HTT: variants seen among roughly 807,000 people sequenced by gnomAD.
The protein encoded by HTT is huntington disease protein.
A neutral mutation model predicts 362.3 loss-of-function variants in HTT; 104 were observed. The ratio of observed to expected loss-of-function variants is 0.29; its 90% CI spans 0.24 to 0.34. The LOEUF (loss-of-function observed/expected upper bound fraction) is 0.34. Ranked by LOEUF, HTT falls within the 10% of genes least tolerant of loss-of-function variation. The pLI, the probability that HTT is intolerant of heterozygous loss-of-function variation, is 1.00. For missense variants in HTT, 3,301 were observed against 3,928.6 expected, an observed-to-expected ratio of 0.84 and a Z score of 4.27; for synonymous variants, 1,577 against 1,548.7, an observed-to-expected ratio of 1.02 and a Z score of -0.43.
rs375185880 is a variant in HTT, at chr4:3,083,887, A to G, written c.264-3052A>G. On this transcript the variant is annotated intron_variant, in intron 1 of 66. Coordinates refer to ENST00000355072, the MANE Select transcript of HTT (RefSeq NM_001388492.1). ...AATATCTAAGAACTGGAATCAGCTCAGATGTCCTTCAACAGGTGAATGGTT... is the reference window on the plus strand; with the variant it reads ...AATATCTAAGAACTGGAATCAGCTCGGATGTCCTTCAACAGGTGAATGGTT... Among the ~76,000 whole-genome samples, 9 of 152,328 alleles carry G rather than the reference A, an allele frequency of 5.9e-5. No individual in the cohort carries two copies. In the East Asian group the frequency reaches 7.7e-4, roughly 13 times the overall value.
At chr4:3,101,570 T>G (rs1182268477) in intron 3 of HTT, among the ~76,000 whole-genome samples, 1 of 152,196 alleles carries the variant, frequency 6.6e-6, no homozygotes, top group Non-Finnish European at 1.5e-5. Flanking sequence ...CACGTAGCCT[T>G]CAGGTCCTAG....
chr4:3,123,039 C>T, intron 10 of HTT, 103 bp downstream of exon 10: 1 of 773,566 alleles, frequency 1.3e-6, no homozygotes, highest in Admixed American at 2.4e-5. Flanking sequence ...GTATTGGACT[C>T]TGTGTATATC....
At chr4:3,121,642 C>T (rs1050443610) in intron 9 of HTT, 9 of 384,236 alleles carry the variant, frequency 2.3e-5, no homozygotes, top group Admixed American at 1.3e-4. Flanking sequence ...TTGGAAGGAT[C>T]GCTTCAGCCC....
intron 47 of HTT, among the ~76,000 whole-genome samples, chr4:3,211,254 A>G (rs949928890): frequency 1.3e-5 from 2 of 152,312 alleles, no homozygotes; most frequent in Non-Finnish European, 2.9e-5. Context: ...TTACTGAGTG[A>G]TAAATTTGCT....
intron 29 of HTT, among the ~76,000 whole-genome samples, chr4:3,167,231 C>G (rs1717761748): frequency 6.6e-6 from 1 of 152,164 alleles, no homozygotes; most frequent in African/African-American, 2.4e-5. Flanking sequence ...GCCACCATGC[C>G]TGGCTAATTT....
In HTT at chr4:3,173,054, C is replaced by T; in HGVS notation, c.4089C>T (p.Tyr1363=). The change falls in exon 31 of 67, where the codon TAC becomes TAT. Residue 1363 remains tyrosine, a synonymous_variant. Transcript: ENST00000355072. ...ACCACTACTGCTTCATGGCCCCGTA[C>T]ACCCACTTCACCCAGGCCCTCGCTG... The part of the protein sequence containing the change: ...GLYHYCFMAP[Y]THFTQALADA... 6.2e-7 allele frequency: 1 copy of T among 1,614,166 alleles called. No homozygotes were observed. The highest frequency in any genetic ancestry group is 8.5e-7 in the Non-Finnish European group (1 of 1,180,036).
rs1426949774 is a variant in HTT at position 3,180,549 on chromosome 4, C to G, written c.4647C>G (p.Leu1549=). 1.2e-6 allele frequency: 2 copies of G among 1,612,700 alleles called. No individual in the cohort carries two copies. Among genetic ancestry groups the G allele is most frequent in the South Asian group, 1.1e-5 (1 of 90,804 alleles). Residue 1549 remains leucine, a synonymous_variant, in exon 36 of 67, where the codon CTC becomes CTG. Transcript: ENST00000355072. ...CTCTGCAGCCCATAGTCCACGACCT[C>G]TTTGTATTAAGAGGAACAAATAAAG... ...IPALQPIVHD[L]FVLRGTNKAD... is the part of the protein sequence containing the mutation.
At chr4:3,184,906 G>A (rs1489576874) in intron 37 of HTT, among the ~76,000 whole-genome samples, 1 of 152,150 alleles carries the variant, frequency 6.6e-6, no homozygotes, top group African/African-American at 2.4e-5. Flanking sequence ...GGGGCAGGGG[G>A]AGTAGGCAGG....
rs759349849 is a variant in HTT, at chr4:3,172,953, G to T, written c.3988G>T (p.Gly1330Cys). The T allele has an allele frequency of 5.0e-6, 8 of 1,614,164 alleles. No individual in the cohort carries two copies. In the East Asian group the frequency reaches 1.8e-4, roughly 36 times the overall value. Residue 1330 changes from glycine to cysteine, a missense_variant, in exon 31 of 67, where the codon GGC (glycine) becomes TGC (cysteine). Around this residue, in one of 4 missense-constraint regions of HTT, gnomAD observed 2,316 missense variants for 2,658.5 expected, o/e 0.87. Transcript: ENST00000355072. ...FGTNLASQFD[G>C]LSSNPSKSQG... The stretch of plus-strand genomic sequence containing the variant: ...CACAAACTTGGCCTCCCAGTTTGAT[G>T]GCTTATCTTCCAACCCCAGCAAGTC...
intron 28 of HTT, among the ~76,000 whole-genome samples, chr4:3,157,527 C>T (rs1363343465): frequency 6.6e-6 from 1 of 152,148 alleles, no homozygotes; most frequent in African/African-American, 2.4e-5. Context: ...GAGGCTCACA[C>T]AAAAATACAG....
At chr4:3,215,051 A>AT (rs1720332081) in intron 50 of HTT, 59 bp from the exon 51 acceptor site, 1 of 1,361,348 alleles carries the variant, frequency 7.3e-7, no homozygotes, top group South Asian at 1.2e-5. Context: ...AAAATGTTGA[A>AT]TAAAAAGCAC....
intron 52 of HTT, among the ~76,000 whole-genome samples, chr4:3,219,088 G>A (rs1720557275): frequency 6.6e-6 from 1 of 152,242 alleles, no homozygotes; most frequent in Non-Finnish European, 1.5e-5. Context: ...AGAGGCCAGT[G>A]CCTGGCGGTG....
Position 3,173,072 on chromosome 4 carries a change from C to G in HTT, c.4107C>G (p.Ala1369=), listed in dbSNP as rs752180387. Residue 1369 remains alanine, a synonymous_variant, in exon 31 of 67, where the codon GCC becomes GCG. Transcript: ENST00000355072. ...FMAPYTHFTQ[A]LADASLRNMV... ...CCCCGTACACCCACTTCACCCAGGC[C>G]CTCGCTGACGCCAGCCTGAGGAACA... 9.9e-6 allele frequency: 16 copies of G among 1,614,156 alleles called. No individual in the cohort carries two copies. Among genetic ancestry groups the G allele is most frequent in the Non-Finnish European group, 1.4e-5 (16 of 1,180,044 alleles).
intron 41 of HTT, among the ~76,000 whole-genome samples, chr4:3,202,617 A>G (rs982221802): frequency 2.6e-5 from 4 of 152,138 alleles, no homozygotes; most frequent in African/African-American, 9.7e-5. Flanking sequence ...CTGTCACTTC[A>G]AACAGTTCCC....
intron 29 of HTT, among the ~76,000 whole-genome samples, chr4:3,165,189 G>A (rs1010637139): frequency 6.6e-6 from 1 of 152,170 alleles, no homozygotes; most frequent in Non-Finnish European, 1.5e-5. Context: ...AGCTTAGTTT[G>A]GCTGGATATG....
At position 3,150,895 on chromosome 4, in the gene HTT, C is replaced by T. The variant is rs553636680; in HGVS notation, c.3498+2688C>T. On this transcript the variant is annotated intron_variant, in intron 26 of 66. Transcript: ENST00000355072. ...ACTAAAAATACAAAAAAAAATTAGC[C>T]GGGTGTGGTGGCGGGCGCCCATAGT... 3.2e-3 allele frequency among the ~76,000 whole-genome samples: 480 copies of T among 152,140 alleles called. 2 individuals are homozygous for T. Among genetic ancestry groups the T allele is most frequent in the African/African-American group, 0.011 (465 of 41,520 alleles).
chr4:3,171,819 G>A (rs1045526613), intron 29 of HTT, among the ~76,000 whole-genome samples: 7 of 152,172 alleles, frequency 4.6e-5, no homozygotes, highest in African/African-American at 1.2e-4. Flanking sequence ...TGTACATCTC[G>A]TTATAGATGT....
chr4:3,179,835 TGA>T (rs1179841764), intron 35 of HTT, among the ~76,000 whole-genome samples: 2 of 148,818 alleles, frequency 1.3e-5, no homozygotes, highest in East Asian at 4.0e-4. Context: ...TATGTGTCAC[TGA>T]GGGGGTCAGA....
Position 3,240,006 on chromosome 4 carries a change from T to C in HTT, c.9376T>C (p.Tyr3126His). Residue 3126 changes from tyrosine (Y) to histidine (H), a missense_variant, in exon 67 of 67, where the codon TAT becomes CAT. By Grantham distance (83) the Tyr-to-His change is moderately conservative. Coordinates refer to ENST00000355072, the MANE Select transcript of HTT (RefSeq NM_001388492.1). ...GGTGGTTGCAGCCCCAGGAAGCCCA[T>C]ATCACCGGCTGCTGACTTGTTTACG... ...LEVVAAPGSP[Y>H]HRLLTCLRNV... The C allele has an allele frequency of 6.2e-7, 1 of 1,601,460 alleles. No homozygotes were observed. The highest frequency in any genetic ancestry group is 2.2e-5 in the East Asian group (1 of 44,622).
Sources: allele counts gnomAD v4.1 joint callset (sites outside exome capture counted in the v4.1 genomes callset), GRCh38; gene constraint gnomAD v4.1.1; regional missense constraint gnomAD v4.1.1; transcripts MANE v1.5; gene names NCBI Gene and HGNC (gene_info 2026-07-23, HGNC 2026-07-21).